Variants in ALKBH8 observed in about 807,000 individuals in gnomAD.
The protein encoded by ALKBH8 is alkB homolog 8, tRNA methyltransferase, also known as tRNA (carboxymethyluridine(34)-5-O)-methyltransferase ALKBH8.
A neutral mutation model predicts 59.8 loss-of-function variants in ALKBH8; 36 were observed. That is an observed-to-expected ratio of 0.60 (90% CI 0.46 to 0.79). The LOEUF is 0.79. Among genes scored for constraint, ALKBH8 ranks in the 30% least tolerant of loss-of-function variants. The pLI is 0.00. For synonymous variants in ALKBH8, 276 were observed against 273.6 expected (o/e 1.01, Z -0.09); for missense variants, 768 against 801.0 (o/e 0.96, Z 0.50).
chr11:107,519,947 T>C (rs185980673), intron 10 of ALKBH8, among the ~76,000 whole-genome samples: 24 of 152,302 alleles, frequency 1.6e-4, no homozygotes, highest in Admixed American at 1.4e-3. Context: ...CTATACTAAA[T>C]ATTTAATTAA....
At chr11:107,521,327 C>T (rs1239172484) in intron 10 of ALKBH8, among the ~76,000 whole-genome samples, 2 of 151,966 alleles carry the variant, frequency 1.3e-5, no homozygotes, top group African/African-American at 2.4e-5. Flanking sequence ...CTCTTATATG[C>T]TAAATCTTTT....
intron 7 of ALKBH8, among the ~76,000 whole-genome samples, chr11:107,533,820 C>G (rs1863697470): frequency 6.6e-6 from 1 of 152,054 alleles, no homozygotes; most frequent in Admixed American, 6.6e-5. Flanking sequence ...AATTCTTCAA[C>G]TTTTCTGTAT....
At chr11:107,546,189 T>C (rs1864245513) in intron 7 of ALKBH8, among the ~76,000 whole-genome samples, 1 of 152,244 alleles carries the variant, frequency 6.6e-6, no homozygotes, top group East Asian at 1.9e-4. Flanking sequence ...TTTTCTTCCT[T>C]ATTTATAATA....
intron 7 of ALKBH8, among the ~76,000 whole-genome samples, chr11:107,535,419 T>C (rs1295306226): frequency 6.6e-6 from 1 of 152,220 alleles, no homozygotes; most frequent in Admixed American, 6.5e-5. Context: ...TAACATCTTT[T>C]ATTTTTTAAA....
chr11:107,517,279 G>A (rs1348717314), intron 10 of ALKBH8, among the ~76,000 whole-genome samples: 1 of 152,132 alleles, frequency 6.6e-6, no homozygotes, highest in Non-Finnish European at 1.5e-5. Flanking sequence ...CGGCGTTGAG[G>A]ATGTGGGGAA....
chr11:107,533,275 T>C (rs181395378), intron 7 of ALKBH8, among the ~76,000 whole-genome samples: 5 of 152,144 alleles, frequency 3.3e-5, no homozygotes, highest in Admixed American at 2.6e-4. Flanking sequence ...ATTTGAAAAA[T>C]AGATATGACA....
At position 107,515,154 on chromosome 11, in the gene ALKBH8, C is replaced by T. The variant is rs189667389; in HGVS notation, c.1288-4118G>A. On this transcript the variant is annotated intron_variant, in intron 10 of 11. Transcript: ENST00000428149. ...AGTCATGCAGTCACTATTTTTTCTC[C>T]TCTTCCCTCTTTCCATTTTTAAATT... 7.8e-4 allele frequency among the ~76,000 whole-genome samples: 118 copies of T among 152,198 alleles called. 1 individual carries two copies. The highest frequency in any genetic ancestry group is 2.7e-3 in the African/African-American group (111 of 41,538).
chr11:107,561,535 A>G (rs1188028445), intron 1 of ALKBH8, among the ~76,000 whole-genome samples: 2 of 152,206 alleles, frequency 1.3e-5, no homozygotes, highest in African/African-American at 4.8e-5. Flanking sequence ...TTGTTTTACT[A>G]TTTTAAAAAC....
intron 8 of ALKBH8, among the ~76,000 whole-genome samples, chr11:107,528,535 G>A (rs771243215): frequency 5.5e-4 from 83 of 152,142 alleles, no homozygotes; most frequent in Non-Finnish European, 1.1e-3. Flanking sequence ...CAAAGTCAAG[G>A]TATTTTAGAG....
At chr11:107,544,426 C>G (rs756710489) in intron 7 of ALKBH8, among the ~76,000 whole-genome samples, 1 of 152,020 alleles carries the variant, frequency 6.6e-6, no homozygotes, top group Non-Finnish European at 1.5e-5. Context: ...CTTATTTGAC[C>G]AATTTATGCA....
At chr11:107,512,597 A>ACC (rs1307052699) in intron 10 of ALKBH8, among the ~76,000 whole-genome samples, 5 of 152,120 alleles carry the variant, frequency 3.3e-5, no homozygotes, top group Non-Finnish European at 7.4e-5. Flanking sequence ...ACAGGCATGA[A>ACC]CCACTGCACC....
chr11:107,538,214 A>C (rs1048925969), intron 7 of ALKBH8, among the ~76,000 whole-genome samples: 1 of 137,732 alleles, frequency 7.3e-6, no homozygotes, highest in Non-Finnish European at 1.6e-5. Context: ...ATATAATTTG[A>C]CAGTATATTT....
In ALKBH8 at chr11:107,553,986, A is replaced by T. The variant is rs969609797; in HGVS notation, c.368-8T>A. 6.2e-7 allele frequency: 1 copy of T among 1,612,836 alleles called. No homozygotes were observed. Among genetic ancestry groups the T allele is most frequent in the Non-Finnish European group, 8.5e-7 (1 of 1,179,560 alleles). On this transcript the variant is annotated splice_polypyrimidine_tract_variant and splice_region_variant and intron_variant, in intron 3 of 11. Coordinates refer to ENST00000428149, the MANE Select transcript of ALKBH8 (RefSeq NM_138775.3). ...TCAACTCCTTCCACTGCACTATGGGAAACCAAATTAAAATAGTCACATGCA... is the reference window on the plus strand; with the variant it reads ...TCAACTCCTTCCACTGCACTATGGGTAACCAAATTAAAATAGTCACATGCA...
At chr11:107,520,551 C>T (rs1206245242) in intron 10 of ALKBH8, among the ~76,000 whole-genome samples, 6 of 152,108 alleles carry the variant, frequency 3.9e-5, no homozygotes, top group African/African-American at 1.4e-4. Flanking sequence ...GCAGAGCCTA[C>T]TGAGAAACAT....
chr11:107,520,812 C>T (rs1863079745), intron 10 of ALKBH8, among the ~76,000 whole-genome samples: 1 of 152,134 alleles, frequency 6.6e-6, no homozygotes, highest in Admixed American at 6.5e-5. Flanking sequence ...CTCTACATTT[C>T]CTAAGCTGTA....
intron 8 of ALKBH8, among the ~76,000 whole-genome samples, chr11:107,526,515 C>T (rs1863363348): frequency 6.6e-6 from 1 of 151,804 alleles, no homozygotes; most frequent in Admixed American, 6.6e-5. Context: ...CAGGTATTTT[C>T]TCTCCATGTG....
At chr11:107,552,002 T>C (rs1176652652) in intron 5 of ALKBH8, 90 bp from the exon 6 acceptor site, 2 of 622,240 alleles carry the variant, frequency 3.2e-6, no homozygotes, top group Non-Finnish European at 4.7e-6. Flanking sequence ...GATATAAATC[T>C]CTGAGCTTTT....
At chr11:107,557,079 T>C (rs1040759521) in intron 2 of ALKBH8, 76 bp from the exon 3 acceptor site, 7 of 1,097,552 alleles carry the variant, frequency 6.4e-6, no homozygotes, top group Middle Eastern at 2.2e-4. Flanking sequence ...TAAAATAAGA[T>C]TTTTTTTAAA....
chr11:107,525,353 A>G lies in ALKBH8; in HGVS notation c.1030+88T>C, dbSNP rs953983925. On this transcript the variant is annotated intron_variant, in intron 9 of 11. Coordinates refer to ENST00000428149, the MANE Select transcript of ALKBH8 (RefSeq NM_138775.3). Reference sequence around the variant, plus strand: ...GAAATGCCATTAGAGAGATTCAGAAAAAGCTCTCCTAGGTGTTGACAGGAC... The same window carrying G: ...GAAATGCCATTAGAGAGATTCAGAAGAAGCTCTCCTAGGTGTTGACAGGAC... 9.0e-6 allele frequency: 11 copies of G among 1,225,622 alleles called. No individual in the cohort carries two copies. The African/African-American group carries it at 1.4e-4, about 16-fold the overall frequency. The allele number at this position is 1,225,622 out of a possible 1,614,324, so 75.9% of individuals were successfully genotyped here.
Sources: allele counts gnomAD v4.1 joint callset (sites outside exome capture counted in the v4.1 genomes callset), GRCh38; gene constraint gnomAD v4.1.1; transcripts MANE v1.5; gene names NCBI Gene and HGNC (gene_info 2026-07-23, HGNC 2026-07-21).